Variants in CSMD2 observed in about 807,000 individuals in gnomAD.
CSMD2 encodes CUB and sushi domain-containing protein 2.
A neutral mutation model predicts 398.5 loss-of-function variants in CSMD2; 130 were observed. The ratio of observed to expected loss-of-function variants is 0.33; its 90% CI spans 0.28 to 0.38. The LOEUF is 0.38. Among genes scored for constraint, CSMD2 ranks in the 10% least tolerant of loss-of-function variants. CSMD2 has a pLI of 1.00. For synonymous variants in CSMD2, 1,828 were observed against 1,908.5 expected (o/e 0.96, Z 1.10); for missense variants, 3,829 against 4,764.9 (o/e 0.80, Z 5.78).
rs544495690 is a variant in CSMD2, at chr1:33,515,161, A to G, written c.*1463T>C. The G allele has an allele frequency of 5.9e-5, 9 of 152,316 alleles. No individual in the cohort carries two copies. Among genetic ancestry groups the G allele is most frequent in the African/African-American group, 2.2e-4 (9 of 41,578 alleles). 9.4% of individuals were successfully genotyped at this position (152,316 alleles called of 1,614,324 possible). On this transcript the variant is annotated 3_prime_UTR_variant, in exon 71 of 71. Coordinates refer to ENST00000373381, the MANE Select transcript of CSMD2 (RefSeq NM_001281956.2). ...GACCCAAGCATGATATAGCTGTCAA[A>G]ATCAATCAAACCCACTCGCAAGGAG... is the stretch of plus-strand genomic sequence containing the variant.
chr1:33,897,049 AT>A (rs1298736440), intron 5 of CSMD2, among the ~76,000 whole-genome samples: 2 of 152,088 alleles, frequency 1.3e-5, no homozygotes, highest in African/African-American at 4.8e-5. Context: ...AAAAGAGGGT[AT>A]TCAGGCCAAA....
At chr1:33,647,040 C>T (rs944000715) in intron 28 of CSMD2, among the ~76,000 whole-genome samples, 2 of 152,128 alleles carry the variant, frequency 1.3e-5, no homozygotes, top group Non-Finnish European at 2.9e-5. Flanking sequence ...AAGAGGCAGG[C>T]TCAGGGGCAG....
chr1:33,793,911 A>G (rs932599015), intron 10 of CSMD2, among the ~76,000 whole-genome samples: 9 of 152,168 alleles, frequency 5.9e-5, no homozygotes, highest in Non-Finnish European at 1.5e-5. Context: ...CAGGACACAC[A>G]CAGGCACTCA....
chr1:33,611,349 T>G lies in CSMD2; in HGVS notation c.6134-99A>C, dbSNP rs1424755992. 3 of 1,014,456 alleles carry G rather than the reference T, an allele frequency of 3.0e-6. No individual in the cohort carries two copies. The African/African-American group carries it at 4.7e-5, about 16-fold the overall frequency. 62.8% of individuals were successfully genotyped at this position (1,014,456 alleles called of 1,614,324 possible). ...AGCTCCTGCCAGAGCCATGAGTCCC[T>G]GCTACTGATTTCCCACCCAGCCAAG... On this transcript the variant is annotated intron_variant, in intron 40 of 70. Transcript: ENST00000373381.
intron 62 of CSMD2, among the ~76,000 whole-genome samples, chr1:33,535,120 C>T (rs1259697914): frequency 2.6e-5 from 4 of 152,078 alleles, no homozygotes; most frequent in Admixed American, 1.3e-4. Context: ...CCCATGCTGC[C>T]GCCTTTGCAA....
intron 1 of CSMD2, among the ~76,000 whole-genome samples, chr1:34,111,914 C>G (rs540979796): frequency 1.8e-4 from 28 of 152,062 alleles, no homozygotes; most frequent in Non-Finnish European, 4.0e-4. Context: ...TGTCTCCCTG[C>G]CCCCAGAGGA....
chr1:33,899,393 A>G (rs1642604626), intron 5 of CSMD2, among the ~76,000 whole-genome samples: 1 of 152,236 alleles, frequency 6.6e-6, no homozygotes, highest in South Asian at 2.1e-4. Flanking sequence ...AGAGGGGCAG[A>G]AAGAGCAGAG....
intron 25 of CSMD2, among the ~76,000 whole-genome samples, chr1:33,670,161 C>T (rs1258894575): frequency 6.6e-6 from 1 of 152,194 alleles, no homozygotes; most frequent in East Asian, 1.9e-4. Context: ...CCTTGTCCTC[C>T]CCATCCCCTC....
intron 1 of CSMD2, among the ~76,000 whole-genome samples, chr1:34,151,121 T>TGCTG (rs1174508988): frequency 2.0e-5 from 3 of 152,232 alleles, no homozygotes; most frequent in African/African-American, 7.2e-5. Flanking sequence ...TTGAAGAGCC[T>TGCTG]GCTGGCACCT....
intron 2 of CSMD2, among the ~76,000 whole-genome samples, chr1:34,038,777 C>T (rs990593565): frequency 2.6e-5 from 4 of 152,194 alleles, no homozygotes; most frequent in African/African-American, 9.6e-5. Context: ...CATTAATTTC[C>T]TGTAGGGAAT....
chr1:33,954,452 A>G (rs929216864), intron 3 of CSMD2, among the ~76,000 whole-genome samples: 1 of 152,004 alleles, frequency 6.6e-6, no homozygotes, highest in Non-Finnish European at 1.5e-5. Context: ...AATACCCACA[A>G]TTATACAATT....
intron 7 of CSMD2, among the ~76,000 whole-genome samples, chr1:33,825,195 C>G (rs749208047): frequency 7.9e-5 from 12 of 152,280 alleles, no homozygotes; most frequent in African/African-American, 1.2e-4. Flanking sequence ...GACCCACCCC[C>G]ACACTTCCCC....
intron 4 of CSMD2, among the ~76,000 whole-genome samples, chr1:33,929,762 G>A (rs1339023533): frequency 6.6e-6 from 1 of 151,954 alleles, no homozygotes; most frequent in Non-Finnish European, 1.5e-5. Context: ...TTTGCCACAG[G>A]GGCTTGTTTT....
Position 33,636,681 on chromosome 1 carries a change from T to C in CSMD2, c.4775-127A>G. 1 of 694,342 alleles carries C rather than the reference T, an allele frequency of 1.4e-6. No individual in the cohort carries two copies. The highest frequency in any genetic ancestry group is 2.7e-5 in the Admixed American group (1 of 37,486). 43.0% of individuals were successfully genotyped at this position (694,342 alleles called of 1,614,324 possible). Reference sequence around the variant, plus strand: ...CACAGAGCACACGGGGATGCGTGACTGTGGCTCCTATTCCCCTCAGGTCTA... The same window carrying C: ...CACAGAGCACACGGGGATGCGTGACCGTGGCTCCTATTCCCCTCAGGTCTA... On this transcript the variant is annotated intron_variant, in intron 29 of 70. Coordinates refer to ENST00000373381, the MANE Select transcript of CSMD2 (RefSeq NM_001281956.2). The surrounding 1 kb of genome is among the most constrained non-coding windows in gnomAD (Gnocchi z 4.8).
intron 44 of CSMD2, among the ~76,000 whole-genome samples, chr1:33,595,677 T>G (rs982446552): frequency 6.6e-6 from 1 of 152,224 alleles, no homozygotes; most frequent in African/African-American, 2.4e-5. Flanking sequence ...CCAAGCCAGA[T>G]TCTATGTCCC....
intron 37 of CSMD2, among the ~76,000 whole-genome samples, chr1:33,619,856 C>G (rs1390981842): frequency 6.6e-6 from 1 of 152,168 alleles, no homozygotes; most frequent in African/African-American, 2.4e-5. Flanking sequence ...TCAAGTGTTT[C>G]ACTTGTCATC....
chr1:33,921,868 C>T (rs1233432861), intron 4 of CSMD2, among the ~76,000 whole-genome samples: 1 of 151,974 alleles, frequency 6.6e-6, no homozygotes, highest in East Asian at 1.9e-4. Context: ...GGTTTGGTGG[C>T]CAGGGAAGGT....
chr1:33,956,316 C>T (rs1645166844), intron 3 of CSMD2, among the ~76,000 whole-genome samples: 2 of 152,028 alleles, frequency 1.3e-5, no homozygotes, highest in Non-Finnish European at 2.9e-5. Flanking sequence ...CGCAATAACA[C>T]TCCATTTCCC....
intron 6 of CSMD2, among the ~76,000 whole-genome samples, chr1:33,830,254 C>A (rs1323120043): frequency 6.6e-6 from 1 of 152,216 alleles, no homozygotes; most frequent in African/African-American, 2.4e-5. Flanking sequence ...AACTGGGAGG[C>A]ACCCCCCAGT....
Sources: allele counts gnomAD v4.1 joint callset (sites outside exome capture counted in the v4.1 genomes callset), GRCh38; gene constraint gnomAD v4.1.1; non-coding constraint Gnocchi (gnomAD v3.1); transcripts MANE v1.5; gene names NCBI Gene and HGNC (gene_info 2026-07-23, HGNC 2026-07-21).